The following OSBPL1A variants were observed in gnomAD, a reference collection of about 807,000 sequenced individuals.
The protein encoded by OSBPL1A is oxysterol-binding protein-related protein 1.
OSBPL1A carries 80 observed loss-of-function variants against 137.1 expected under a neutral mutation model. The ratio of observed to expected loss-of-function variants is 0.58; its 90% confidence interval spans 0.49 to 0.70. OSBPL1A has a LOEUF of 0.70. OSBPL1A is among the 30% of genes least tolerant of loss of function. The pLI is 0.00. For synonymous variants in OSBPL1A, 365 were observed against 389.7 expected (o/e 0.94, Z 0.75); for missense variants, 970 against 1,129.4 (o/e 0.86, Z 2.02).
chr18:24,228,670 A>G (rs975607119), intron 16 of OSBPL1A, among the ~76,000 whole-genome samples: 1 of 152,216 alleles, frequency 6.6e-6, no homozygotes, highest in African/African-American at 2.4e-5. Flanking sequence ...TCAACTTTAC[A>G]GAGTGGAGAA....
At chr18:24,313,007 C>T (rs530499446) in intron 12 of OSBPL1A, among the ~76,000 whole-genome samples, 1 of 151,792 alleles carries the variant, frequency 6.6e-6, no homozygotes, top group South Asian at 2.1e-4. Context: ...GCCTGTAATC[C>T]CAGCTACTCG....
chr18:24,357,852 T>A (rs1423658906), intron 4 of OSBPL1A: 1 of 152,300 alleles, frequency 6.6e-6, no homozygotes, highest in African/African-American at 2.4e-5. Context: ...AATAAATTAC[T>A]GCATCTTGCA....
At chr18:24,287,874 T>C (rs986181017) in intron 14 of OSBPL1A, among the ~76,000 whole-genome samples, 2 of 152,196 alleles carry the variant, frequency 1.3e-5, no homozygotes, top group African/African-American at 4.8e-5. Flanking sequence ...AGCCACACTG[T>C]CTCACCTATT....
intron 13 of OSBPL1A, among the ~76,000 whole-genome samples, chr18:24,306,726 G>T (rs1257444324): frequency 6.6e-6 from 1 of 152,188 alleles, no homozygotes; most frequent in Admixed American, 6.5e-5. Flanking sequence ...ATCTTGATAG[G>T]AGTGGTGGTT....
intron 18 of OSBPL1A, among the ~76,000 whole-genome samples, chr18:24,181,774 A>G (rs760923603): frequency 4.6e-5 from 7 of 152,098 alleles, no homozygotes; most frequent in Non-Finnish European, 8.8e-5. Context: ...ACTAACCTCT[A>G]TCTAGGAATG....
intron 1 of OSBPL1A, among the ~76,000 whole-genome samples, chr18:24,387,263 C>G (rs1907013367): frequency 6.6e-6 from 1 of 151,898 alleles, no homozygotes; most frequent in African/African-American, 2.4e-5. Flanking sequence ...CCCATGTTGC[C>G]CATGCTGGTC....
chr18:24,363,293 T>C (rs1000109362), intron 4 of OSBPL1A, among the ~76,000 whole-genome samples: 2 of 152,134 alleles, frequency 1.3e-5, no homozygotes, highest in African/African-American at 4.8e-5. Context: ...GGAGAATTCA[T>C]TTCCTTGCTT....
intron 4 of OSBPL1A, 50 bp downstream of exon 4, chr18:24,366,842 A>G (rs1236598348): frequency 1.9e-6 from 3 of 1,538,842 alleles, no homozygotes; most frequent in South Asian, 2.3e-5. Context: ...AATGGTAACT[A>G]CTCCTCCAAA....
At chr18:24,208,909 G>A (rs993534198) in intron 17 of OSBPL1A, among the ~76,000 whole-genome samples, 6 of 152,090 alleles carry the variant, frequency 3.9e-5, no homozygotes, top group African/African-American at 1.4e-4. Context: ...TCATTCTTCT[G>A]TCATTCTCTT....
chr18:24,335,043 C>T (rs181117665), intron 5 of OSBPL1A, among the ~76,000 whole-genome samples: 1 of 152,268 alleles, frequency 6.6e-6, no homozygotes, highest in East Asian at 1.9e-4. Context: ...GTGTGCACCA[C>T]CACACCTGGT....
intron 18 of OSBPL1A, among the ~76,000 whole-genome samples, chr18:24,190,990 T>C (rs2086875328): frequency 6.6e-6 from 1 of 152,234 alleles, no homozygotes; most frequent in African/African-American, 2.4e-5. Flanking sequence ...GATAAAAGCA[T>C]TTTATCAAAA....
chr18:24,202,416 T>A (rs1168510823), intron 17 of OSBPL1A, among the ~76,000 whole-genome samples: 1 of 152,256 alleles, frequency 6.6e-6, no homozygotes. Flanking sequence ...AAAACACTCA[T>A]TGTCAGTGGT....
Position 24,165,117 on chromosome 18 carries a change from G to C in OSBPL1A, c.2698C>G (p.Gln900Glu). Residue 900 changes from glutamine to glutamate, a missense_variant, in exon 27 of 28, where the codon CAA becomes GAA. Physicochemically the swap from Gln to Glu is conservative, Grantham distance 29. This residue lies in a region of OSBPL1A where 323 missense variants were observed against 456.8 expected (regional missense o/e 0.71). Coordinates refer to ENST00000319481, the MANE Select transcript of OSBPL1A (RefSeq NM_080597.4). ...GACCTGTTTTTGCGGGCTGCTCTTT[G>C]TTTTTCCTCAAGTCGTTTTTTTTCT... ...SEEKKRLEEK[Q>E]RAARKNRSKS... 1.2e-6 allele frequency: 2 copies of C among 1,614,074 alleles called. No homozygotes were observed. The highest frequency in any genetic ancestry group is 1.7e-6 in the Non-Finnish European group (2 of 1,180,006).
At chr18:24,198,656 G>C (rs1423200580) in intron 17 of OSBPL1A, among the ~76,000 whole-genome samples, 1 of 151,926 alleles carries the variant, frequency 6.6e-6, no homozygotes, top group African/African-American at 2.4e-5. Flanking sequence ...CGGCCCACGA[G>C]ACACCCACGC....
chr18:24,310,046 C>CAAAA (rs56309417), intron 13 of OSBPL1A, among the ~76,000 whole-genome samples: 3 of 90,592 alleles, frequency 3.3e-5, no homozygotes, highest in Non-Finnish European at 6.1e-5. Context: ...GACTCTGTCT[C>CAAAA]AAAAAAAAAA....
rs553384951 is a variant in OSBPL1A, at chr18:24,377,354, A to G, written c.121+59T>C. On this transcript the variant is annotated intron_variant, in intron 2 of 27. Coordinates refer to ENST00000319481, the MANE Select transcript of OSBPL1A (RefSeq NM_080597.4). ...TAGATAAGAAAGGTTAGCATTAAAT[A>G]AATGCTAAGAGTAGTGCAGACTCAT... The G allele has an allele frequency of 2.7e-6, 4 of 1,508,772 alleles. No individual in the cohort carries two copies. In the South Asian group the frequency reaches 4.0e-5, roughly 15 times the overall value. The allele number at this position is 1,508,772 out of a possible 1,614,324, so 93.5% of individuals were successfully genotyped here. A position where few individuals can be genotyped will look rare whatever the true frequency, so the allele number is the denominator to read the frequency against.
chr18:24,272,224 C>T, intron 15 of OSBPL1A: 1 of 983,484 alleles, frequency 1.0e-6, no homozygotes, highest in Non-Finnish European at 1.2e-6. Flanking sequence ...CTGGAGACAC[C>T]GGCCCTGGCA....
intron 1 of OSBPL1A, among the ~76,000 whole-genome samples, chr18:24,397,184 A>G (rs1907808334): frequency 6.6e-6 from 1 of 152,200 alleles, no homozygotes; most frequent in Non-Finnish European, 1.5e-5. Context: ...TCTCCCTTGG[A>G]TATTCGTTCA....
At chr18:24,358,617 T>C (rs1357211321) in intron 4 of OSBPL1A, 1 of 671,586 alleles carries the variant, frequency 1.5e-6, no homozygotes, top group Non-Finnish European at 2.7e-6. Flanking sequence ...AGGCCTTCAA[T>C]ACATAAACAT....
Sources: allele counts gnomAD v4.1 joint callset (sites outside exome capture counted in the v4.1 genomes callset), GRCh38; gene constraint gnomAD v4.1.1; regional missense constraint gnomAD v4.1.1; transcripts MANE v1.5; gene names NCBI Gene and HGNC (gene_info 2026-07-23, HGNC 2026-07-21).